RAB3GAP2: variants seen among roughly 807,000 people sequenced by gnomAD.
RAB3GAP2 encodes the protein RAB3 GTPase activating non-catalytic protein subunit 2.
In RAB3GAP2, 87 loss-of-function variants were observed where a neutral mutation model predicts 185.3. That is an observed-to-expected ratio of 0.47 (90% CI 0.39 to 0.56). The LOEUF (loss-of-function observed/expected upper bound fraction) is 0.56. RAB3GAP2 is among the 20% of genes least tolerant of loss of function. The pLI, the probability that RAB3GAP2 is intolerant of heterozygous loss-of-function variation, is 0.00. For missense variants in RAB3GAP2, 1,492 were observed against 1,638.2 expected, an observed-to-expected ratio of 0.91 and a Z score of 1.54; for synonymous variants, 554 against 576.1, an observed-to-expected ratio of 0.96 and a Z score of 0.55.
At chr1:220,197,965 C>G (rs915032032) in intron 9 of RAB3GAP2, among the ~76,000 whole-genome samples, 2 of 152,130 alleles carry the variant, frequency 1.3e-5, no homozygotes, top group African/African-American at 4.8e-5. Flanking sequence ...AGACCACCAC[C>G]TCCTAGCTTT....
chr1:220,204,992 A>G (rs1448388005), intron 8 of RAB3GAP2, among the ~76,000 whole-genome samples: 1 of 151,478 alleles, frequency 6.6e-6, no homozygotes, highest in Non-Finnish European at 1.5e-5. Flanking sequence ...ATTGTTGTCT[A>G]TTGTTGTTGG....
chr1:220,174,812 C>T (rs577612182), intron 21 of RAB3GAP2, among the ~76,000 whole-genome samples: 1 of 152,262 alleles, frequency 6.6e-6, no homozygotes, highest in African/African-American at 2.4e-5. Flanking sequence ...GGGGGAGTCA[C>T]TGTCACAACA....
intron 20 of RAB3GAP2, 84 bp from the exon 21 acceptor site, chr1:220,182,438 C>T (rs1658427944): frequency 3.8e-6 from 6 of 1,578,900 alleles, no homozygotes; most frequent in Non-Finnish European, 5.2e-6. Flanking sequence ...ATCTGGAATT[C>T]CAGAGAAACA....
chr1:220,193,655 G>A (rs1021483717), intron 12 of RAB3GAP2, among the ~76,000 whole-genome samples: 7 of 152,032 alleles, frequency 4.6e-5, no homozygotes, highest in Non-Finnish European at 1.0e-4. Context: ...TTGATTAAAA[G>A]GCATGTCACA....
chr1:220,231,528 TA>T (rs146173963), intron 2 of RAB3GAP2, among the ~76,000 whole-genome samples: 5 of 150,672 alleles, frequency 3.3e-5, no homozygotes, highest in Non-Finnish European at 4.4e-5. Flanking sequence ...TCTTCTTTCT[TA>T]AAAAAAAAAT....
intron 21 of RAB3GAP2, among the ~76,000 whole-genome samples, chr1:220,180,289 TA>T (rs1658377169): frequency 6.6e-6 from 1 of 150,648 alleles, no homozygotes; most frequent in Admixed American, 6.6e-5. Context: ...GTAAAAGAAG[TA>T]ATAAAGATCA....
rs776669699 is a variant in RAB3GAP2, at chr1:220,170,957, A to G, written c.2741T>C (p.Val914Ala). The G allele has an allele frequency of 6.2e-7, 1 of 1,614,142 alleles. No homozygotes were observed. Among genetic ancestry groups the G allele is most frequent in the Non-Finnish European group, 8.5e-7 (1 of 1,180,006 alleles). ...HSKGNTQTSKVSSLQAEPLPR... is the reference protein window; with the variant it reads ...HSKGNTQTSKASSLQAEPLPR... ...AAGTGGCTCAGCCTGCAGTGATGAC[A>G]CTTTGGAGGTCTGAGTGTTCCCTTT... The change falls in exon 24 of 35, where the codon GTG (valine) becomes GCG (alanine). Residue 914 changes from valine (V) to alanine (A), a missense_variant. Physicochemically the swap from Val to Ala is moderately conservative, Grantham distance 64. Transcript: ENST00000358951.
At chr1:220,204,068 AC>A (rs1213031288) in intron 8 of RAB3GAP2, among the ~76,000 whole-genome samples, 1 of 152,164 alleles carries the variant, frequency 6.6e-6, no homozygotes, top group African/African-American at 2.4e-5. Context: ...ACAAAGTTTA[AC>A]TCCTAAATGG....
intron 1 of RAB3GAP2, among the ~76,000 whole-genome samples, chr1:220,242,449 G>A (rs1659712446): frequency 6.6e-6 from 1 of 151,832 alleles, no homozygotes; most frequent in South Asian, 2.1e-4. Context: ...TGCAACACAA[G>A]GCTGATATTA....
intron 1 of RAB3GAP2, among the ~76,000 whole-genome samples, chr1:220,237,691 A>G (rs1471190778): frequency 6.6e-6 from 1 of 152,194 alleles, no homozygotes; most frequent in Non-Finnish European, 1.5e-5. Flanking sequence ...TGGATCACCT[A>G]AAGGATAAAC....
chr1:220,157,826 C>T lies in RAB3GAP2; in HGVS notation c.3312G>A (p.Leu1104=). 1.2e-6 allele frequency: 2 copies of T among 1,613,328 alleles called. No homozygotes were observed. The highest frequency in any genetic ancestry group is 1.7e-6 in the Non-Finnish European group (2 of 1,179,402). Residue 1104 remains leucine, a synonymous_variant, in exon 30 of 35, where the codon TTG becomes TTA. Transcript: ENST00000358951. ...TAMTSFLGSC[L]DLLQILMEAD... ...CCTCCATTAAGATCTGAAGAAGATC[C>T]AAACAGGAGCCGAGGAAAGATGTCA...
intron 1 of RAB3GAP2, among the ~76,000 whole-genome samples, chr1:220,240,682 A>G (rs569284852): frequency 1.3e-5 from 2 of 152,280 alleles, no homozygotes; most frequent in African/African-American, 2.4e-5. Flanking sequence ...AATAAAGAGG[A>G]GCGAGATAAA....
chr1:220,216,296 GTATC>G (rs1659200745), intron 2 of RAB3GAP2, among the ~76,000 whole-genome samples: 1 of 152,140 alleles, frequency 6.6e-6, no homozygotes, highest in Admixed American at 6.5e-5. Flanking sequence ...AAGGAATTCT[GTATC>G]TAGCTTGTTG....
At chr1:220,192,073 G>T (rs1441976529) in intron 13 of RAB3GAP2, among the ~76,000 whole-genome samples, 1 of 152,188 alleles carries the variant, frequency 6.6e-6, no homozygotes, top group African/African-American at 2.4e-5. Context: ...TGTACTAGCT[G>T]CAGACAGGCA....
intron 2 of RAB3GAP2, among the ~76,000 whole-genome samples, chr1:220,217,734 A>G (rs541626262): frequency 6.6e-6 from 1 of 152,350 alleles, no homozygotes; most frequent in African/African-American, 2.4e-5. Context: ...ACAATGAACA[A>G]TCAACCTAAA....
chr1:220,224,894 G>C (rs368183374), intron 2 of RAB3GAP2, among the ~76,000 whole-genome samples: 21 of 152,102 alleles, frequency 1.4e-4, no homozygotes, highest in African/African-American at 5.1e-4. Flanking sequence ...TAGAAGTAAA[G>C]GTATGGATGG....
At chr1:220,182,156 G>A (rs1410268412) in intron 21 of RAB3GAP2, 101 bp downstream of exon 21, 1 of 1,566,290 alleles carries the variant, frequency 6.4e-7, no homozygotes, top group African/African-American at 1.4e-5. Context: ...TGGACATTCT[G>A]TGATATCCTA....
intron 10 of RAB3GAP2, 150 bp from the exon 11 acceptor site, chr1:220,195,527 T>C (rs1218179543): frequency 4.3e-6 from 3 of 704,110 alleles, no homozygotes; most frequent in African/African-American, 1.8e-5. Context: ...AAAAAGTTTA[T>C]TTTAGGCGTA....
chr1:220,182,474 A>G (rs752391714), intron 20 of RAB3GAP2, 120 bp from the exon 21 acceptor site: 1 of 1,517,270 alleles, frequency 6.6e-7, no homozygotes, highest in Non-Finnish European at 8.9e-7. Context: ...AGAGAAATTA[A>G]TTGTTCAATT....
Sources: allele counts gnomAD v4.1 joint callset (sites outside exome capture counted in the v4.1 genomes callset), GRCh38; gene constraint gnomAD v4.1.1; transcripts MANE v1.5; gene names NCBI Gene and HGNC (gene_info 2026-07-23, HGNC 2026-07-21).